The following SHANK2 variants were observed in gnomAD, a reference collection of about 807,000 sequenced individuals.
SHANK2 encodes SH3 and multiple ankyrin repeat domains 2.
A neutral mutation model predicts 133.7 loss-of-function variants in SHANK2; 43 were observed. The ratio of observed to expected loss-of-function variants is 0.32; its 90% confidence interval spans 0.25 to 0.41. The LOEUF is 0.41. Among genes scored for constraint, SHANK2 ranks in the 10% least tolerant of loss-of-function variants. The probability of loss-of-function intolerance (pLI) is 1.00; values close to 1 mark genes in which losing one functional copy is unlikely to be tolerated. For synonymous variants in SHANK2, 1,017 were observed against 952.8 expected (o/e 1.07, Z -1.24); for missense variants, 1,994 against 2,235.8 (o/e 0.89, Z 2.18).
chr11:70,651,461 G>C (rs116857228), intron 17 of SHANK2, among the ~76,000 whole-genome samples: 3 of 152,128 alleles, frequency 2.0e-5, no homozygotes, highest in African/African-American at 7.2e-5. Context: ...CAACCTCCCC[G>C]CCATCCAGGG....
intron 2 of SHANK2, among the ~76,000 whole-genome samples, chr11:71,176,630 T>C (rs552766796): frequency 6.6e-6 from 1 of 152,218 alleles, no homozygotes; most frequent in Non-Finnish European, 1.5e-5. Context: ...GAACTTGAAG[T>C]CAGAGCAATA....
At chr11:70,928,829 C>T (rs1950464227) in intron 10 of SHANK2, among the ~76,000 whole-genome samples, 1 of 152,126 alleles carries the variant, frequency 6.6e-6, no homozygotes, top group Non-Finnish European at 1.5e-5. Flanking sequence ...AACCCCCACA[C>T]CAAAAGCCTA....
chr11:70,724,674 C>A (rs1311965906), intron 14 of SHANK2, among the ~76,000 whole-genome samples: 1 of 152,230 alleles, frequency 6.6e-6, no homozygotes, highest in South Asian at 2.1e-4. Flanking sequence ...AGGTGACTGC[C>A]GCCAACCACG....
intron 2 of SHANK2, among the ~76,000 whole-genome samples, chr11:71,198,937 G>T (rs1490205958): frequency 2.0e-5 from 3 of 152,148 alleles, no homozygotes; most frequent in Non-Finnish European, 4.4e-5. Context: ...AGCATCGATG[G>T]TCATGACCAG....
chr11:70,721,283 TG>T, intron 14 of SHANK2, among the ~76,000 whole-genome samples: 1 of 152,360 alleles, frequency 6.6e-6, no homozygotes, highest in East Asian at 1.9e-4. Context: ...CAGCCGCTCC[TG>T]GGCACACTCT....
intron 17 of SHANK2, among the ~76,000 whole-genome samples, chr11:70,565,656 C>T (rs192417360): frequency 1.2e-4 from 19 of 152,258 alleles, no homozygotes; most frequent in African/African-American, 4.3e-4. Context: ...AGGGCTCATC[C>T]CATCTGTTTC....
chr11:70,920,070 T>C (rs891647582), intron 10 of SHANK2, among the ~76,000 whole-genome samples: 1 of 152,174 alleles, frequency 6.6e-6, no homozygotes, highest in Non-Finnish European at 1.5e-5. Flanking sequence ...AGCCTCAGTG[T>C]TTTCATGTGT....
intron 11 of SHANK2, among the ~76,000 whole-genome samples, chr11:70,831,903 C>T (rs1018228427): frequency 1.2e-4 from 18 of 152,232 alleles, no homozygotes; most frequent in African/African-American, 4.1e-4. Flanking sequence ...CTGTATCATG[C>T]CCCCTGCAGC....
intron 14 of SHANK2, among the ~76,000 whole-genome samples, chr11:70,777,819 T>C (rs1315727413): frequency 6.6e-6 from 1 of 152,202 alleles, no homozygotes; most frequent in Non-Finnish European, 1.5e-5. Context: ...CTGGGAAAGC[T>C]GCTTAAAAAT....
chr11:70,730,253 T>C (rs569701152), intron 14 of SHANK2, among the ~76,000 whole-genome samples: 13 of 152,270 alleles, frequency 8.5e-5, no homozygotes, highest in African/African-American at 2.9e-4. Context: ...ATGTGTACAT[T>C]GGTTCAACGA....
chr11:70,487,855 A>C lies in SHANK2; in HGVS notation c.2573-135T>G, dbSNP rs1184163071. 6 of 1,515,890 alleles carry C rather than the reference A, an allele frequency of 4.0e-6. No individual in the cohort carries two copies. The highest frequency in any genetic ancestry group is 5.3e-6 in the Non-Finnish European group (6 of 1,122,086). 93.9% of individuals were successfully genotyped at this position (1,515,890 alleles called of 1,614,324 possible). ...ACCGGATGTTCAGGAAACACAGCAC[A>C]AGCCACGATGCCGAGTGGTTAGTCA... On this transcript the variant is annotated intron_variant, in intron 24 of 25. Transcript: ENST00000601538. The surrounding 1 kb of genome is among the most constrained non-coding windows in gnomAD (Gnocchi z 5.8).
At chr11:70,927,044 G>A (rs543160524) in intron 10 of SHANK2, among the ~76,000 whole-genome samples, 1 of 152,152 alleles carries the variant, frequency 6.6e-6, no homozygotes, top group Non-Finnish European at 1.5e-5. Context: ...TCTGCCGCAC[G>A]ACGTGGCAGG....
intron 14 of SHANK2, among the ~76,000 whole-genome samples, chr11:70,745,878 TCGAG>T (rs1946626961): frequency 6.6e-6 from 1 of 152,192 alleles, no homozygotes; most frequent in African/African-American, 2.4e-5. Context: ...ACCTGAGACC[TCGAG>T]CGAGCGTTAT....
intron 1 of SHANK2, among the ~76,000 whole-genome samples, chr11:71,238,000 C>A (rs1309384874): frequency 6.6e-6 from 1 of 152,224 alleles, no homozygotes; most frequent in Non-Finnish European, 1.5e-5. Context: ...GACACACAGA[C>A]TCACCTCTGT....
chr11:70,800,869 C>T (rs1333904479), intron 13 of SHANK2, among the ~76,000 whole-genome samples: 2 of 152,180 alleles, frequency 1.3e-5, no homozygotes, highest in African/African-American at 4.8e-5. Context: ...CCCACAGATA[C>T]CCACACTCTC....
chr11:70,916,751 T>C (rs1342393982), intron 10 of SHANK2, among the ~76,000 whole-genome samples: 1 of 152,146 alleles, frequency 6.6e-6, no homozygotes, highest in African/African-American at 2.4e-5. Flanking sequence ...GTCTCTATCC[T>C]GAAAGCTTGC....
At chr11:70,831,050 T>C (rs1271391974) in intron 11 of SHANK2, among the ~76,000 whole-genome samples, 2 of 152,222 alleles carry the variant, frequency 1.3e-5, no homozygotes, top group African/African-American at 4.8e-5. Context: ...ATGGATTTCA[T>C]TCTGGAAGAG....
At chr11:70,720,276 C>T (rs1555028664) in intron 14 of SHANK2, among the ~76,000 whole-genome samples, 1 of 152,206 alleles carries the variant, frequency 6.6e-6, no homozygotes, top group African/African-American at 2.4e-5. Context: ...TAGGGGTCAT[C>T]ACCTCGTCTA....
At chr11:71,071,477 G>T (rs1021793966) in intron 9 of SHANK2, among the ~76,000 whole-genome samples, 3 of 152,226 alleles carry the variant, frequency 2.0e-5, no homozygotes, top group Non-Finnish European at 2.9e-5. Context: ...TGGACCCAAG[G>T]GGAAGGGAGC....
Sources: gnomAD v4.1 joint callset for allele counts (sites outside exome capture counted in the v4.1 genomes callset) on GRCh38, gnomAD v4.1.1 for gene constraint, Gnocchi (gnomAD v3.1) non-coding constraint, MANE v1.5 for transcripts, NCBI Gene and HGNC (gene_info 2026-07-23, HGNC 2026-07-21) for gene names.